Variants in POLN observed in about 807,000 individuals in gnomAD.
The protein encoded by POLN is DNA polymerase nu.
In POLN, 108 loss-of-function variants were observed where a neutral mutation model predicts 113.5. That is an observed-to-expected ratio of 0.95 (90% CI 0.81 to 1.12). The LOEUF is 1.12. Among genes scored for constraint, POLN ranks in the 50% most tolerant of loss-of-function variants. The probability of loss-of-function intolerance (pLI) is 0.00; values close to 1 mark genes in which losing one functional copy is unlikely to be tolerated. For synonymous variants in POLN, 386 were observed against 391.5 expected (o/e 0.99, Z 0.17); for missense variants, 1,097 against 1,077.1 (o/e 1.02, Z -0.26).
chr4:2,181,648 A>T (rs1733145253), intron 7 of POLN, among the ~76,000 whole-genome samples: 1 of 152,194 alleles, frequency 6.6e-6, no homozygotes, highest in Admixed American at 6.5e-5. Context: ...ATCAAAGGAA[A>T]GAAAACAAAC....
chr4:2,155,525 A>G (rs1732402541), intron 16 of POLN, among the ~76,000 whole-genome samples: 1 of 152,128 alleles, frequency 6.6e-6, no homozygotes, highest in African/African-American at 2.4e-5. Flanking sequence ...TACACCATCT[A>G]TGCAAATGCC....
chr4:2,189,438 G>A (rs990797781), intron 7 of POLN, among the ~76,000 whole-genome samples: 9 of 151,780 alleles, frequency 5.9e-5, no homozygotes, highest in Admixed American at 2.6e-4. Context: ...AGGAGAACGA[G>A]ACCATCCTGG....
At position 2,072,036 on chromosome 4, in the gene POLN, T is replaced by A. The variant is rs766979565; in HGVS notation, c.*78A>T. On this transcript the variant is annotated 3_prime_UTR_variant, in exon 26 of 26. Transcript: ENST00000511885. The stretch of plus-strand genomic sequence containing the variant: ...CAAAGGGTTAATGCGTCCTGGGGCG[T>A]ACAGAGCTGGTGACCTTGGGGAAGG... The A allele has an allele frequency of 6.6e-7, 1 of 1,517,940 alleles. No homozygotes were observed. The highest frequency in any genetic ancestry group is 9.1e-7 in the Non-Finnish European group (1 of 1,093,906). The allele number at this position is 1,517,940 out of a possible 1,614,324, so 94.0% of individuals were successfully genotyped here.
At position 2,206,654 on chromosome 4, in the gene POLN, T is replaced by C. The variant is rs113227642; in HGVS notation, c.714+1333A>G. 5.1e-3 allele frequency among the ~76,000 whole-genome samples: 774 copies of C among 152,294 alleles called. 7 individuals are homozygous for C. The highest frequency in any genetic ancestry group is 0.018 in the African/African-American group (731 of 41,568). ...CAACGAATATATGAAAAAATGCTCA[T>C]CATCACTAATGATCATGGAAATGCA... On this transcript the variant is annotated intron_variant, in intron 5 of 25. Transcript: ENST00000511885.
At chr4:2,080,352 G>A in intron 23 of POLN, 4 of 951,786 alleles carry the variant, frequency 4.2e-6, no homozygotes, top group Non-Finnish European at 4.9e-6. Context: ...TGGCCTGGGG[G>A]GCAGCCAGGG....
At chr4:2,239,894 A>G in intron 2 of POLN, 2 of 655,886 alleles carry the variant, frequency 3.0e-6, no homozygotes, top group South Asian at 3.9e-5. Flanking sequence ...ACATTGACAC[A>G]GATCACAAAT....
chr4:2,150,543 T>C, intron 16 of POLN, among the ~76,000 whole-genome samples: 1 of 152,084 alleles, frequency 6.6e-6, no homozygotes, highest in East Asian at 1.9e-4. Flanking sequence ...TTTTTTCTTT[T>C]TTAAAAAAAC....
intron 19 of POLN, among the ~76,000 whole-genome samples, chr4:2,110,345 C>G (rs1415901844): frequency 6.6e-6 from 1 of 152,010 alleles, no homozygotes; most frequent in Non-Finnish European, 1.5e-5. Flanking sequence ...GAAGCAAGAG[C>G]AAACACATTC....
At chr4:2,161,463 C>T (rs900336785) in intron 13 of POLN, among the ~76,000 whole-genome samples, 2 of 152,208 alleles carry the variant, frequency 1.3e-5, no homozygotes, top group East Asian at 3.9e-4. Context: ...AGCCCACCGG[C>T]GCTGCGCTCG....
intron 2 of POLN, among the ~76,000 whole-genome samples, chr4:2,235,946 A>T (rs1343161072): frequency 6.6e-6 from 1 of 152,224 alleles, no homozygotes; most frequent in Admixed American, 6.5e-5. Context: ...GTGAAAAAAA[A>T]ATACAGAGGC....
At chr4:2,094,504 A>G (rs1221399887) in intron 20 of POLN, among the ~76,000 whole-genome samples, 1 of 152,126 alleles carries the variant, frequency 6.6e-6, no homozygotes, top group Admixed American at 6.5e-5. Context: ...CCACACCCAG[A>G]GAAACTGTGA....
At chr4:2,110,774 G>C (rs1051392830) in intron 19 of POLN, among the ~76,000 whole-genome samples, 6 of 152,132 alleles carry the variant, frequency 3.9e-5, no homozygotes, top group Non-Finnish European at 8.8e-5. Context: ...AAAAAGTCCA[G>C]GACCAGATGG....
intron 5 of POLN, among the ~76,000 whole-genome samples, chr4:2,205,744 G>A (rs571400660): frequency 1.1e-4 from 16 of 152,036 alleles, no homozygotes; most frequent in East Asian, 5.8e-4. Context: ...GTGGTGGCAC[G>A]CACCTCCCAA....
At chr4:2,226,531 CTTACA>C (rs922343974) in intron 3 of POLN, among the ~76,000 whole-genome samples, 5 of 152,172 alleles carry the variant, frequency 3.3e-5, no homozygotes, top group South Asian at 2.1e-4. Flanking sequence ...TGGATGTTCT[CTTACA>C]TTAATGTGTT....
intron 2 of POLN, among the ~76,000 whole-genome samples, chr4:2,233,755 A>T (rs1734662435): frequency 6.6e-6 from 1 of 152,212 alleles, no homozygotes; most frequent in Non-Finnish European, 1.5e-5. Context: ...AAAAACAAAA[A>T]TTCTTAATAA....
Position 2,072,131 on chromosome 4 carries a change from G to T in POLN, c.2686C>A (p.Pro896Thr), listed in dbSNP as rs1577673265. 1 of 1,611,662 alleles carries T rather than the reference G, an allele frequency of 6.2e-7. No individual in the cohort carries two copies. The highest frequency in any genetic ancestry group is 2.2e-5 in the East Asian group (1 of 44,838). ...GCCTGGGGCTACAGACAAAATGAAG[G>T]CGAAAAATGCAGGGGTGGGGGCTGG... The part of the protein sequence containing the change: ...STQPPPLHFS[P>T]SFCL The change falls in exon 26 of 26, where the codon CCT becomes ACT. Residue 896 changes from proline to threonine, a missense_variant. Coordinates refer to ENST00000511885, the MANE Select transcript of POLN (RefSeq NM_181808.4).
chr4:2,229,309 C>G (rs1390577649), intron 2 of POLN, 66 bp from the exon 3 acceptor site: 15 of 1,268,556 alleles, frequency 1.2e-5, no homozygotes, highest in African/African-American at 1.6e-5. Context: ...ACAGGAAATA[C>G]AATTATTTTC....
In POLN at chr4:2,127,340, A is replaced by G. The variant is rs553514864; in HGVS notation, c.1982+773T>C. Among the ~76,000 whole-genome samples the G allele has an allele frequency of 6.6e-6, 1 of 152,230 alleles. No homozygotes were observed. The highest frequency in any genetic ancestry group is 1.5e-5 in the Non-Finnish European group (1 of 67,996). ...CCGGCCCGGTGAACACCTGTGATGT[A>G]TAAGCCAAACACAATAATCCACTCC... On this transcript the variant is annotated intron_variant, in intron 19 of 25. Coordinates refer to ENST00000511885, the MANE Select transcript of POLN (RefSeq NM_181808.4). This position sits in a 1 kb window ranked among gnomAD's most constrained non-coding sequence, Gnocchi z 4.7.
intron 23 of POLN, 42 bp downstream of exon 23, chr4:2,080,916 T>C: frequency 6.2e-7 from 1 of 1,613,338 alleles, no homozygotes; most frequent in Non-Finnish European, 8.5e-7. Context: ...CACAGAATAC[T>C]AACCCTCCCA....
Sources: allele counts gnomAD v4.1 joint callset (sites outside exome capture counted in the v4.1 genomes callset), GRCh38; gene constraint gnomAD v4.1.1; non-coding constraint Gnocchi (gnomAD v3.1); transcripts MANE v1.5; gene names NCBI Gene and HGNC (gene_info 2026-07-23, HGNC 2026-07-21).